The following SHOC2 variants were observed in gnomAD, a reference collection of about 807,000 sequenced individuals.
SHOC2 encodes the protein SHOC2 leucine rich repeat scaffold protein, also known as leucine-rich repeat protein SHOC-2.
A neutral mutation model predicts 50.2 loss-of-function variants in SHOC2; 4 were observed. That is an observed-to-expected ratio of 0.08 (90% CI 0.04 to 0.18). SHOC2 has a LOEUF of 0.18. Among genes scored for constraint, SHOC2 ranks in the 10% least tolerant of loss-of-function variants. The pLI is 1.00. For synonymous variants in SHOC2, 218 were observed against 244.5 expected (o/e 0.89, Z 1.01); for missense variants, 388 against 669.6 (o/e 0.58, Z 4.64).
intron 3 of SHOC2, among the ~76,000 whole-genome samples, chr10:110,990,177 C>G (rs1294417214): frequency 1.3e-5 from 2 of 152,250 alleles, no homozygotes; most frequent in African/African-American, 4.8e-5. Context: ...CAGGCAGCTC[C>G]ACCTGCAGCC....
At chr10:111,008,414 G>A (rs938950779) in intron 6 of SHOC2, among the ~76,000 whole-genome samples, 1 of 151,694 alleles carries the variant, frequency 6.6e-6, no homozygotes, top group Non-Finnish European at 1.5e-5. Flanking sequence ...CATGGGCTTT[G>A]AAGTCAAACA....
chr10:110,933,093 A>G (rs1846926745), intron 1 of SHOC2, among the ~76,000 whole-genome samples: 1 of 152,092 alleles, frequency 6.6e-6, no homozygotes, highest in South Asian at 2.1e-4. Flanking sequence ...ATGATCTCTG[A>G]TTATTATATA....
rs184964080 is a variant in SHOC2 at position 110,984,184 on chromosome 10, A to G, written c.704-1444A>G. On this transcript the variant is annotated intron_variant, in intron 2 of 8. Coordinates refer to ENST00000369452, the MANE Select transcript of SHOC2 (RefSeq NM_007373.4). ...AGTACTTGTTATTTTCTATTTTTTGATAATAGCCATCCCAGTGGGTATGAA... is the reference window on the plus strand; with the variant it reads ...AGTACTTGTTATTTTCTATTTTTTGGTAATAGCCATCCCAGTGGGTATGAA... 4.6e-5 allele frequency among the ~76,000 whole-genome samples: 7 copies of G among 152,212 alleles called. No homozygotes were observed. The South Asian group carries it at 6.2e-4, about 14-fold the overall frequency.
intron 1 of SHOC2, among the ~76,000 whole-genome samples, chr10:110,939,491 A>G (rs2134088630): frequency 6.6e-6 from 1 of 152,276 alleles, no homozygotes; most frequent in Non-Finnish European, 1.5e-5. Flanking sequence ...AAGTTCTGGG[A>G]TTACTTTTGA....
At chr10:110,985,560 G>A in intron 2 of SHOC2, 68 bp from the exon 3 acceptor site, 1 of 1,158,368 alleles carries the variant, frequency 8.6e-7, no homozygotes, top group Non-Finnish European at 1.3e-6. Context: ...TTATTTTCTT[G>A]CTTAGAAGTA....
chr10:110,971,277 C>T (rs1392308028), intron 2 of SHOC2, among the ~76,000 whole-genome samples: 1 of 151,982 alleles, frequency 6.6e-6, no homozygotes, highest in Non-Finnish European at 1.5e-5. Context: ...ATATATATAT[C>T]CAGCTTTCTC....
intron 1 of SHOC2, among the ~76,000 whole-genome samples, chr10:110,940,254 T>C (rs949912616): frequency 6.6e-6 from 1 of 152,210 alleles, no homozygotes; most frequent in Non-Finnish European, 1.5e-5. Context: ...CCTAATCTTG[T>C]TTCATCATAG....
At position 111,004,457 on chromosome 10, in the gene SHOC2, G is replaced by A. The variant is rs1352332550; in HGVS notation, c.973-149G>A. On this transcript the variant is annotated intron_variant, in intron 4 of 8. Transcript: ENST00000369452. ...CTAGAACTGTGTAGTGACTGTCCCT[G>A]TAGAGAAGTGTCACAGACTGCCCCA... 6 of 654,560 alleles carry A rather than the reference G, an allele frequency of 9.2e-6. No homozygotes were observed. The African/African-American group carries it at 1.1e-4, about 12-fold the overall frequency. 40.5% of individuals were successfully genotyped at this position (654,560 alleles called of 1,614,324 possible).
intron 1 of SHOC2, among the ~76,000 whole-genome samples, chr10:110,950,970 G>T (rs965610510): frequency 6.6e-6 from 1 of 152,176 alleles, no homozygotes; most frequent in African/African-American, 2.4e-5. Flanking sequence ...TCTTGACATT[G>T]GTTGGGGCAA....
intron 1 of SHOC2, among the ~76,000 whole-genome samples, chr10:110,934,877 A>G (rs1564703220): frequency 6.6e-6 from 1 of 152,230 alleles, no homozygotes; most frequent in East Asian, 1.9e-4. Context: ...TCTAGTCCAT[A>G]CATGCATGTG....
At chr10:110,947,300 T>C (rs1165399988) in intron 1 of SHOC2, among the ~76,000 whole-genome samples, 1 of 152,226 alleles carries the variant, frequency 6.6e-6, no homozygotes, top group Non-Finnish European at 1.5e-5. Context: ...GCGGATCCAG[T>C]AACTGAGGCT....
intron 1 of SHOC2, among the ~76,000 whole-genome samples, chr10:110,944,172 C>G (rs1847204579): frequency 6.6e-6 from 1 of 152,122 alleles, no homozygotes; most frequent in South Asian, 2.1e-4. Context: ...GCTCCTTGTT[C>G]CATAGTATAT....
At chr10:110,954,631 A>G (rs949759575) in intron 1 of SHOC2, among the ~76,000 whole-genome samples, 1 of 152,242 alleles carries the variant, frequency 6.6e-6, no homozygotes, top group African/African-American at 2.4e-5. Flanking sequence ...CAGAGCTTAC[A>G]TTCTTGCAGG....
At chr10:110,991,864 C>T (rs1040132556) in intron 3 of SHOC2, among the ~76,000 whole-genome samples, 1 of 152,162 alleles carries the variant, frequency 6.6e-6, no homozygotes, top group African/African-American at 2.4e-5. Flanking sequence ...AAATCCTACT[C>T]TAGTTCTGAG....
At chr10:110,958,955 C>T (rs1395069757) in intron 1 of SHOC2, among the ~76,000 whole-genome samples, 1 of 151,992 alleles carries the variant, frequency 6.6e-6, no homozygotes, top group African/African-American at 2.4e-5. Context: ...TTCTGTAACA[C>T]TTCCTTACTC....
At chr10:110,956,503 T>C (rs1320741626) in intron 1 of SHOC2, among the ~76,000 whole-genome samples, 3 of 152,242 alleles carry the variant, frequency 2.0e-5, no homozygotes, top group Admixed American at 2.0e-4. Context: ...CTTGCAATTC[T>C]GCTGCTTTGC....
intron 1 of SHOC2, among the ~76,000 whole-genome samples, chr10:110,925,143 T>C (rs890565404): frequency 6.6e-6 from 1 of 151,240 alleles, no homozygotes; most frequent in South Asian, 2.1e-4. Flanking sequence ...TTATGTATCA[T>C]GTTAAGAGTA....
intron 3 of SHOC2, among the ~76,000 whole-genome samples, chr10:110,989,539 C>T (rs1007235692): frequency 5.3e-5 from 8 of 152,146 alleles, no homozygotes; most frequent in African/African-American, 1.9e-4. Flanking sequence ...AACTGCCTTT[C>T]CTTGAGGATC....
intron 1 of SHOC2, chr10:110,936,646 G>C (rs1330857812): frequency 1.3e-6 from 1 of 761,826 alleles, no homozygotes; most frequent in South Asian, 1.4e-5. Flanking sequence ...CGTGGGTCTT[G>C]AGGACCTCTG....
Sources: gnomAD v4.1 joint callset for allele counts (sites outside exome capture counted in the v4.1 genomes callset) on GRCh38, gnomAD v4.1.1 for gene constraint, MANE v1.5 for transcripts, NCBI Gene and HGNC (gene_info 2026-07-23, HGNC 2026-07-21) for gene names.